ELL: variants seen among roughly 807,000 people sequenced by gnomAD.
ELL encodes the protein elongation factor for RNA polymerase II, also known as RNA polymerase II elongation factor ELL.
A neutral mutation model predicts 64.0 loss-of-function variants in ELL; 18 were observed. The ratio of observed to expected loss-of-function variants is 0.28; its 90% CI spans 0.19 to 0.42. ELL has a LOEUF of 0.42. ELL is among the 10% of genes least tolerant of loss of function. The pLI is 1.00. For synonymous variants in ELL, 399 were observed against 376.2 expected (o/e 1.06, Z -0.70); for missense variants, 797 against 870.4 (o/e 0.92, Z 1.06).
chr19:18,502,016 C>A (rs1009601914), intron 1 of ELL, among the ~76,000 whole-genome samples: 3 of 152,166 alleles, frequency 2.0e-5, no homozygotes, highest in Non-Finnish European at 2.9e-5. Context: ...CCAGGCGTCA[C>A]CCCCAGAGGC....
At chr19:18,515,936 T>C (rs768728217) in intron 1 of ELL, among the ~76,000 whole-genome samples, 17 of 151,972 alleles carry the variant, frequency 1.1e-4, no homozygotes, top group Non-Finnish European at 2.4e-4. Flanking sequence ...TCCCGGCAAG[T>C]GGTCAAGATG....
At chr19:18,492,445 A>C (rs1975552554) in intron 1 of ELL, among the ~76,000 whole-genome samples, 1 of 152,246 alleles carries the variant, frequency 6.6e-6, no homozygotes, top group African/African-American at 2.4e-5. Context: ...AATAAGCTAC[A>C]GTGGTATCAG....
intron 6 of ELL, among the ~76,000 whole-genome samples, chr19:18,455,431 A>C (rs1974645635): frequency 6.6e-6 from 1 of 150,964 alleles, no homozygotes; most frequent in African/African-American, 2.4e-5. Context: ...CGGAGGTTGC[A>C]GTGAGCCGAG....
intron 6 of ELL, among the ~76,000 whole-genome samples, chr19:18,453,395 T>G (rs1459630527): frequency 6.6e-6 from 1 of 152,212 alleles, no homozygotes; most frequent in Non-Finnish European, 1.5e-5. Flanking sequence ...AACAAGATGC[T>G]CAATGCCATG....
chr19:18,466,655 G>A (rs1021382807), intron 2 of ELL, among the ~76,000 whole-genome samples: 9 of 152,220 alleles, frequency 5.9e-5, no homozygotes, highest in Admixed American at 4.6e-4. Flanking sequence ...AGTGCAGGGC[G>A]GCATCACATC....
chr19:18,464,020 G>A (rs927248101), intron 4 of ELL, among the ~76,000 whole-genome samples: 2 of 150,976 alleles, frequency 1.3e-5, no homozygotes. Flanking sequence ...CCAAAGTGGT[G>A]TGCTAAGATA....
At chr19:18,446,259 C>A in intron 10 of ELL, 50 bp downstream of exon 10, 1 of 1,485,748 alleles carries the variant, frequency 6.7e-7, no homozygotes. Context: ...CCCAAGTGGG[C>A]CCTGGCTCCC....
intron 1 of ELL, among the ~76,000 whole-genome samples, chr19:18,510,665 C>T (rs1189215180): frequency 6.6e-6 from 1 of 152,144 alleles, no homozygotes; most frequent in Non-Finnish European, 1.5e-5. Context: ...TTAAATGGCT[C>T]CAAGACCACC....
At position 18,521,942 on chromosome 19, in the gene ELL, G is replaced by C. The variant is rs1269963834; in HGVS notation, c.114C>G (p.Phe38Leu). Residue 38 changes from phenylalanine (F) to leucine (L), a missense_variant, in exon 1 of 12, where the codon TTC becomes TTG. By Grantham distance (22) the Phe-to-Leu change is conservative (BLOSUM62 0). Transcript: ENST00000262809. ...TCACCTGTCTGGCGCGGTAGCTCTC[G>C]AAGGCCCTCAGGGCACTGTCGGTGA... ...VKLTDSALRA[F>L]ESYRARQDSV... is the part of the protein sequence containing the mutation. The C allele has an allele frequency of 6.2e-7, 1 of 1,605,706 alleles. No homozygotes were observed. Among genetic ancestry groups the C allele is most frequent in the Non-Finnish European group, 8.5e-7 (1 of 1,176,254 alleles).
chr19:18,490,034 C>T (rs1467425038), intron 1 of ELL, among the ~76,000 whole-genome samples: 5 of 152,196 alleles, frequency 3.3e-5, no homozygotes, highest in Non-Finnish European at 7.3e-5. Flanking sequence ...CGGGGCCAGC[C>T]AGGCCAGGTG....
chr19:18,461,111 TG>T (rs1193267503), intron 5 of ELL, among the ~76,000 whole-genome samples: 2 of 152,136 alleles, frequency 1.3e-5, no homozygotes, highest in African/African-American at 4.8e-5. Context: ...AGGTCACAGA[TG>T]GAAGCCTGAT....
At chr19:18,506,795 CCTCAGCTCAGAGATTAGAGGGAACT>C (rs1975892434) in intron 1 of ELL, among the ~76,000 whole-genome samples, 1 of 152,208 alleles carries the variant, frequency 6.6e-6, no homozygotes, top group South Asian at 2.1e-4. Context: ...TCGTTACCCT[CCTCAGCTCAGAGATTAGAGGGAACT>C]CTCCCCACAG....
intron 1 of ELL, among the ~76,000 whole-genome samples, chr19:18,508,957 G>C (rs1307548205): frequency 6.6e-6 from 1 of 152,168 alleles, no homozygotes; most frequent in Non-Finnish European, 1.5e-5. Flanking sequence ...CCTTGTTGTG[G>C]GGATAAGCAA....
intron 1 of ELL, among the ~76,000 whole-genome samples, chr19:18,478,300 C>T (rs1344098091): frequency 2.0e-5 from 3 of 152,208 alleles, no homozygotes; most frequent in East Asian, 1.9e-4. Context: ...GATTTCCCTG[C>T]TGCCTTAGAA....
intron 1 of ELL, among the ~76,000 whole-genome samples, chr19:18,497,902 G>A (rs1010907663): frequency 8.6e-5 from 13 of 151,230 alleles, no homozygotes; most frequent in Middle Eastern, 3.5e-3. Flanking sequence ...GCTGAGGAGA[G>A]CAGATCGCCT....
Position 18,445,276 on chromosome 19 carries a change from A to G in ELL, c.1705-8T>C. On this transcript the variant is annotated splice_region_variant and splice_polypyrimidine_tract_variant and intron_variant, in intron 10 of 11. Transcript: ENST00000262809. ...AATCTGCCCTCGAGTAGTCTAGAAG[A>G]AAAACAAAATTTTGAGAAAACAGAA... 2 of 1,613,924 alleles carry G rather than the reference A, an allele frequency of 1.2e-6. No homozygotes were observed. Among genetic ancestry groups the G allele is most frequent in the Non-Finnish European group, 1.7e-6 (2 of 1,179,992 alleles).
intron 1 of ELL, among the ~76,000 whole-genome samples, chr19:18,496,110 C>T (rs1975647766): frequency 6.6e-6 from 1 of 152,240 alleles, no homozygotes; most frequent in South Asian, 2.1e-4. Flanking sequence ...GATGGGGTTA[C>T]TCCCTCCTTA....
intron 1 of ELL, among the ~76,000 whole-genome samples, chr19:18,479,673 C>T (rs1214134232): frequency 1.4e-5 from 2 of 144,638 alleles, no homozygotes; most frequent in African/African-American, 2.6e-5. Flanking sequence ...CAAGCCACTG[C>T]ACTCCAGCCT....
chr19:18,520,090 T>C (rs1232834475), intron 1 of ELL, among the ~76,000 whole-genome samples: 2 of 152,046 alleles, frequency 1.3e-5, no homozygotes, highest in Non-Finnish European at 2.9e-5. Context: ...ATGTAACCAA[T>C]ACCCTAAAGT....
Sources: gnomAD v4.1 joint callset for allele counts (sites outside exome capture counted in the v4.1 genomes callset) on GRCh38, gnomAD v4.1.1 for gene constraint, MANE v1.5 for transcripts, NCBI Gene and HGNC (gene_info 2026-07-23, HGNC 2026-07-21) for gene names.